PTPRC: variants seen among roughly 807,000 people sequenced by gnomAD.
PTPRC encodes protein tyrosine phosphatase receptor type C.
Under a neutral mutation model 155.9 loss-of-function variants are expected in PTPRC, and 44 were observed. That is an observed-to-expected ratio of 0.28 (90% CI 0.22 to 0.36). The LOEUF (loss-of-function observed/expected upper bound fraction) is 0.36, where lower values mean the gene tolerates loss of function less well. Ranked by LOEUF, PTPRC falls within the 10% of genes least tolerant of loss-of-function variation. The pLI is 1.00. For synonymous variants in PTPRC, 525 were observed against 533.1 expected, an observed-to-expected ratio of 0.98 and a Z score of 0.21; for missense variants, 1,401 against 1,564.6, an observed-to-expected ratio of 0.90 and a Z score of 1.76.
At chr1:198,659,145 G>A (rs906026022) in intron 2 of PTPRC, among the ~76,000 whole-genome samples, 5 of 152,038 alleles carry the variant, frequency 3.3e-5, no homozygotes, top group Non-Finnish European at 5.9e-5. Flanking sequence ...GAACTCAGAG[G>A]CCATTATGAC....
intron 2 of PTPRC, among the ~76,000 whole-genome samples, chr1:198,674,397 G>A (rs1372969056): frequency 6.6e-6 from 1 of 151,878 alleles, no homozygotes; most frequent in Non-Finnish European, 1.5e-5. Flanking sequence ...TTTTACAATT[G>A]TGAAAATTTA....
intron 2 of PTPRC, among the ~76,000 whole-genome samples, chr1:198,689,921 C>T (rs779175656): frequency 3.3e-5 from 5 of 152,080 alleles, no homozygotes; most frequent in Non-Finnish European, 5.9e-5. Flanking sequence ...GGGTTATAAG[C>T]TTATCCAGGG....
intron 12 of PTPRC, among the ~76,000 whole-genome samples, chr1:198,715,208 C>T (rs1377450420): frequency 6.6e-6 from 1 of 151,978 alleles, no homozygotes; most frequent in South Asian, 2.1e-4. Flanking sequence ...CTGCAAGCTC[C>T]GCCTCCCAGG....
At chr1:198,751,918 A>G (rs1168277423) in intron 29 of PTPRC, among the ~76,000 whole-genome samples, 3 of 152,022 alleles carry the variant, frequency 2.0e-5, no homozygotes, top group Non-Finnish European at 2.9e-5. Context: ...AGCCATAAAT[A>G]TTGAAGAGGT....
At chr1:198,707,466 C>T (rs1447205472) in intron 9 of PTPRC, among the ~76,000 whole-genome samples, 5 of 151,932 alleles carry the variant, frequency 3.3e-5, no homozygotes, top group Admixed American at 1.3e-4. Flanking sequence ...GGGTGACAGG[C>T]GTCGGGCAGA....
intron 10 of PTPRC, among the ~76,000 whole-genome samples, chr1:198,708,918 C>T (rs12139307): frequency 0.013 from 1,964 of 152,302 alleles, 24 homozygotes; most frequent in Non-Finnish European, 0.016. Flanking sequence ...GGTGTGCATG[C>T]GCATGCACGC....
At chr1:198,680,869 G>T (rs868611639) in intron 2 of PTPRC, among the ~76,000 whole-genome samples, 6 of 152,280 alleles carry the variant, frequency 3.9e-5, no homozygotes, top group Middle Eastern at 6.8e-3. Context: ...ATGGAGTTAG[G>T]AGAAAATGCA....
chr1:198,683,346 G>A (rs976871639), intron 2 of PTPRC, among the ~76,000 whole-genome samples: 3 of 152,102 alleles, frequency 2.0e-5, no homozygotes, highest in Admixed American at 6.5e-5. Context: ...AATGATGATC[G>A]TAACCTATCC....
intron 2 of PTPRC, chr1:198,680,090 G>A (rs1279280452): frequency 7.0e-6 from 3 of 428,612 alleles, no homozygotes; most frequent in South Asian, 9.2e-5. Context: ...TAGGCAAGGC[G>A]CAGGCGCAGC....
intron 23 of PTPRC, among the ~76,000 whole-genome samples, chr1:198,740,762 T>G (rs1468231224): frequency 1.3e-5 from 2 of 151,786 alleles, no homozygotes; most frequent in African/African-American, 2.4e-5. Flanking sequence ...TTAGAAGAAA[T>G]GGATAAATTC....
chr1:198,729,147 G>A lies in PTPRC; in HGVS notation c.1840G>A (p.Glu614Lys), dbSNP rs754933499. 1.2e-6 allele frequency: 2 copies of A among 1,610,692 alleles called. No individual in the cohort carries two copies. The highest frequency in any genetic ancestry group is 4.5e-5 in the East Asian group (2 of 44,756). ...TTCCTATTTTCACAGCAATTTAGAT[G>A]AACAGCAGGAGCTTGTTGAAAGGGG... ...LHKKRSCNLDEQQELVERDDE... is the reference protein window; with the variant it reads ...LHKKRSCNLDKQQELVERDDE... The change falls in exon 17 of 33, where the codon GAA becomes AAA. Residue 614 changes from glutamate to lysine, a missense_variant. Physicochemically the swap from Glu to Lys is moderately conservative, Grantham distance 56 (BLOSUM62 1). Around this residue, in one of 3 missense-constraint regions of PTPRC, gnomAD observed 867 missense variants for 970.4 expected, o/e 0.89. Transcript: ENST00000442510.
intron 2 of PTPRC, among the ~76,000 whole-genome samples, chr1:198,670,933 T>C (rs1430973467): frequency 6.6e-6 from 1 of 152,128 alleles, no homozygotes; most frequent in Non-Finnish European, 1.5e-5. Context: ...TTACATAGCA[T>C]TTATTTTGCA....
At chr1:198,684,858 T>G (rs2102343488) in intron 2 of PTPRC, among the ~76,000 whole-genome samples, 1 of 152,128 alleles carries the variant, frequency 6.6e-6, no homozygotes, top group South Asian at 2.1e-4. Context: ...CCTCTTTTGT[T>G]TATTTGAGCT....
intron 31 of PTPRC, 79 bp from the exon 32 acceptor site, chr1:198,754,186 TTCTC>T (rs1655515413): frequency 6.9e-7 from 1 of 1,446,818 alleles, no homozygotes. Context: ...AAAAAATATA[TTCTC>T]TCTCTTCCTG....
intron 2 of PTPRC, among the ~76,000 whole-genome samples, chr1:198,685,520 A>C (rs983846854): frequency 3.3e-5 from 5 of 152,058 alleles, no homozygotes; most frequent in Non-Finnish European, 7.4e-5. Flanking sequence ...CTGAAATCAT[A>C]ATACCTGGCT....
chr1:198,729,030 G>T, intron 16 of PTPRC, 107 bp from the exon 17 acceptor site: 2 of 1,292,010 alleles, frequency 1.5e-6, no homozygotes, highest in South Asian at 2.8e-5. Context: ...TCTTATCCCT[G>T]ACTTCCTTCC....
At chr1:198,712,841 G>A in intron 11 of PTPRC, 112 bp from the exon 12 acceptor site, 1 of 1,197,346 alleles carries the variant, frequency 8.4e-7, no homozygotes, top group Non-Finnish European at 1.2e-6. Context: ...ATTTTATTTT[G>A]AATTCATCAT....
chr1:198,701,349 T>C (rs1666453369), intron 5 of PTPRC, among the ~76,000 whole-genome samples: 1 of 152,182 alleles, frequency 6.6e-6, no homozygotes, highest in Non-Finnish European at 1.5e-5. Flanking sequence ...CGTGCATGCA[T>C]GTATCACTGC....
At chr1:198,696,940 T>C (rs1666234165) in intron 4 of PTPRC, 31 bp downstream of exon 4, 3 of 1,548,898 alleles carry the variant, frequency 1.9e-6, no homozygotes, top group Non-Finnish European at 1.8e-6. Context: ...AACTTAAATA[T>C]CAGGGAATGT....
Sources: gnomAD v4.1 joint callset for allele counts (sites outside exome capture counted in the v4.1 genomes callset) on GRCh38, gnomAD v4.1.1 for gene constraint, gnomAD v4.1.1 regional missense constraint, MANE v1.5 for transcripts, NCBI Gene and HGNC (gene_info 2026-07-23, HGNC 2026-07-21) for gene names.